Variants in XPR1 observed in about 807,000 individuals in gnomAD.
XPR1 encodes the protein solute carrier family 53 member 1.
XPR1 carries 28 observed loss-of-function variants against 87.5 expected under a neutral mutation model. The ratio of observed to expected loss-of-function variants is 0.32; its 90% CI spans 0.24 to 0.44. The LOEUF is 0.44. Among genes scored for constraint, XPR1 ranks in the 20% least tolerant of loss-of-function variants. XPR1 has a pLI of 1.00. For synonymous variants in XPR1, 300 were observed against 306.1 expected (o/e 0.98, Z 0.21); for missense variants, 559 against 862.3 (o/e 0.65, Z 4.41).
chr1:180,677,720 A>C (rs1036745281), intron 1 of XPR1, among the ~76,000 whole-genome samples: 1 of 152,198 alleles, frequency 6.6e-6, no homozygotes, highest in African/African-American at 2.4e-5. Flanking sequence ...GCAAGAAGGT[A>C]GTTTGTTTTG....
chr1:180,849,117 T>G (rs1651783902), intron 11 of XPR1, among the ~76,000 whole-genome samples: 1 of 152,206 alleles, frequency 6.6e-6, no homozygotes, highest in Non-Finnish European at 1.5e-5. Flanking sequence ...AAAAAATTTT[T>G]AAGTTGTTGG....
chr1:180,711,909 A>AT (rs1326701992), intron 2 of XPR1, among the ~76,000 whole-genome samples: 8 of 152,136 alleles, frequency 5.3e-5, no homozygotes, highest in Admixed American at 1.3e-4. Flanking sequence ...AACAAAATTC[A>AT]TTTTTTATAT....
At chr1:180,659,086 T>C (rs1017357944) in intron 1 of XPR1, among the ~76,000 whole-genome samples, 4 of 150,558 alleles carry the variant, frequency 2.7e-5, no homozygotes, top group South Asian at 2.1e-4. Context: ...CTTCCTTCCT[T>C]CCTTCCTCCC....
chr1:180,680,357 CTTTTTTTTTTT>C (rs369905770), intron 1 of XPR1, among the ~76,000 whole-genome samples: 7 of 83,394 alleles, frequency 8.4e-5, no homozygotes, highest in Middle Eastern at 0.013. Context: ...CAAATAGAAC[CTTTTTTTTTTT>C]TTTTTTTTTT....
intron 1 of XPR1, among the ~76,000 whole-genome samples, chr1:180,661,269 A>C (rs79604777): frequency 0.02 from 3,105 of 151,982 alleles, 106 homozygotes; most frequent in African/African-American, 0.071. Context: ...TCTTGTAGGC[A>C]ACAGATCTTG....
chr1:180,656,423 ATATTTATATATTTATATATAAATATT>A (rs2101910077), intron 1 of XPR1, among the ~76,000 whole-genome samples: 1 of 44,786 alleles, frequency 2.2e-5, no homozygotes, highest in African/African-American at 9.4e-5. Context: ...TTATATATAA[ATATTTATATATTTATATATAAATATT>A]TATATATTTA....
chr1:180,803,085 C>T (rs1037590817), intron 3 of XPR1, among the ~76,000 whole-genome samples: 1 of 152,166 alleles, frequency 6.6e-6, no homozygotes, highest in Non-Finnish European at 1.5e-5. Context: ...TTTAACCTTT[C>T]GAGAACTGCC....
intron 7 of XPR1, among the ~76,000 whole-genome samples, chr1:180,822,763 A>T (rs1293178772): frequency 2.0e-5 from 3 of 152,202 alleles, no homozygotes; most frequent in Non-Finnish European, 4.4e-5. Flanking sequence ...CCCATTGATC[A>T]ACAAAGAAAC....
intron 3 of XPR1, among the ~76,000 whole-genome samples, chr1:180,795,315 C>CT (rs1649528231): frequency 6.6e-6 from 1 of 152,076 alleles, no homozygotes; most frequent in Admixed American, 6.5e-5. Flanking sequence ...TATTCTAGCT[C>CT]TTTGAGGGAT....
chr1:180,673,951 T>C (rs1455642070), intron 1 of XPR1, among the ~76,000 whole-genome samples: 1 of 152,226 alleles, frequency 6.6e-6, no homozygotes, highest in Non-Finnish European at 1.5e-5. Flanking sequence ...ATCTCATGCA[T>C]AAATGATTCA....
At chr1:180,755,768 T>G (rs1225287032) in intron 2 of XPR1, among the ~76,000 whole-genome samples, 1 of 152,246 alleles carries the variant, frequency 6.6e-6, no homozygotes, top group African/African-American at 2.4e-5. Flanking sequence ...TTTGTAGTTT[T>G]GTGCTTCTAA....
chr1:180,681,786 G>A (rs1242985274), intron 1 of XPR1, among the ~76,000 whole-genome samples: 1 of 152,098 alleles, frequency 6.6e-6, no homozygotes, highest in African/African-American at 2.4e-5. Flanking sequence ...TCCCACCTCA[G>A]CCTTCTGAGT....
intron 9 of XPR1, among the ~76,000 whole-genome samples, chr1:180,831,687 C>T (rs1651071927): frequency 6.6e-6 from 1 of 151,974 alleles, no homozygotes; most frequent in Middle Eastern, 3.4e-3. Context: ...GAGAATGATG[C>T]TTTCCAGCTT....
intron 11 of XPR1, 152 bp from the exon 12 acceptor site, chr1:180,863,556 C>A (rs143905577): frequency 3.8e-6 from 2 of 531,012 alleles, no homozygotes; most frequent in African/African-American, 2.0e-5. Flanking sequence ...TATTATTTAA[C>A]CTTTGTTAGA....
At chr1:180,716,897 CT>C (rs1658015300) in intron 2 of XPR1, among the ~76,000 whole-genome samples, 1 of 152,172 alleles carries the variant, frequency 6.6e-6, no homozygotes, top group Admixed American at 6.5e-5. Context: ...GTGAACCCTC[CT>C]TAAATGGATT....
At chr1:180,707,048 AG>A (rs1311193695) in intron 2 of XPR1, among the ~76,000 whole-genome samples, 4 of 152,248 alleles carry the variant, frequency 2.6e-5, no homozygotes, top group Non-Finnish European at 4.4e-5. Context: ...ATTTTAAAAA[AG>A]AAATATTTAC....
chr1:180,721,158 T>C lies in XPR1; in HGVS notation c.121+38747T>C, dbSNP rs531398691. On this transcript the variant is annotated intron_variant, in intron 2 of 14. Coordinates refer to ENST00000367590, the MANE Select transcript of XPR1 (RefSeq NM_004736.4). ...ATCGCTTGAACCCCGGAGGCAGAGA[T>C]TGCGGTGAGCTGAGATTACACCATG... Among the ~76,000 whole-genome samples, 5 of 151,626 alleles carry C rather than the reference T, an allele frequency of 3.3e-5. 1 individual carries two copies. The South Asian group carries it at 1.0e-3, about 32-fold the overall frequency.
intron 2 of XPR1, among the ~76,000 whole-genome samples, chr1:180,733,834 G>C (rs746071989): frequency 3.3e-5 from 5 of 152,198 alleles, no homozygotes; most frequent in African/African-American, 1.2e-4. Context: ...ACCAGAAAAA[G>C]ATGTTTTTGA....
rs774416686 is a variant in XPR1, at chr1:180,791,244, C to A, written c.223+3390C>A. 2.6e-5 allele frequency among the ~76,000 whole-genome samples: 4 copies of A among 152,058 alleles called. No homozygotes were observed. The East Asian group carries it at 7.7e-4, about 29-fold the overall frequency. ...CTTCTTTGTTTATGAAGAAAAATAT[C>A]TACTCTTGGTAGTAGATACTTTGTT... On this transcript the variant is annotated intron_variant, in intron 3 of 14. Coordinates refer to ENST00000367590, the MANE Select transcript of XPR1 (RefSeq NM_004736.4).
Sources: gnomAD v4.1 joint callset for allele counts (sites outside exome capture counted in the v4.1 genomes callset) on GRCh38, gnomAD v4.1.1 for gene constraint, MANE v1.5 for transcripts, NCBI Gene and HGNC (gene_info 2026-07-23, HGNC 2026-07-21) for gene names.